ZNF655: variants seen among roughly 807,000 people sequenced by gnomAD.
ZNF655 encodes Vav-interacting Kruppel-like protein 1.
ZNF655 carries 3 observed loss-of-function variants against 6.6 expected under a neutral mutation model. That is an observed-to-expected ratio of 0.46 (90% CI 0.21 to 1.18). The LOEUF (loss-of-function observed/expected upper bound fraction) is 1.18. ZNF655 is among the 50% of genes most tolerant of loss of function. The pLI is 0.24. For missense variants in ZNF655, 526 were observed against 572.3 expected, an observed-to-expected ratio of 0.92 and a Z score of 0.83; for synonymous variants, 178 against 195.0, an observed-to-expected ratio of 0.91 and a Z score of 0.73.
rs1451091763 is a variant in ZNF655, at chr7:99,576,176, GC to G, written c.*2593del. 6.6e-6 allele frequency: 1 copy of G among 152,510 alleles called. No individual in the cohort carries two copies. The highest frequency in any genetic ancestry group is 1.5e-5 in the Non-Finnish European group (1 of 68,024). The allele number at this position is 152,510 out of a possible 1,614,324, so 9.4% of individuals were successfully genotyped here. ...ACTATATTTTACTTCTTTGCCATCA[GC>G]AAGAGTAGGATTTCATCAAGGCAAG... On this transcript the variant is annotated 3_prime_UTR_variant, in exon 3 of 3. Coordinates refer to ENST00000252713, the MANE Select transcript of ZNF655 (RefSeq NM_138494.3).
At chr7:99,567,412 A>T (rs1453474033) in intron 2 of ZNF655, among the ~76,000 whole-genome samples, 1 of 151,634 alleles carries the variant, frequency 6.6e-6, no homozygotes, top group East Asian at 2.0e-4. Flanking sequence ...GCATGCCTGT[A>T]ATCCCAGCTA....
chr7:99,571,749 T>A, intron 2 of ZNF655: 2 of 1,610,148 alleles, frequency 1.2e-6, no homozygotes, highest in South Asian at 1.1e-5. Flanking sequence ...AGGTCTTTGA[T>A]CTGGAAACTA....
Position 99,573,549 on chromosome 7 carries a change from C to T in ZNF655, c.1441C>T (p.Gln481Ter). ...KNSSQRAHLV[Q>*]HQSIHTKENS ...CTCCAGTCAGAGAGCACATCTAGTT[C>T]AACATCAGAGCATTCATACCAAAGA... The change falls in exon 3 of 3, where the codon CAA (glutamine) becomes TAA (stop). Residue 481 changes from glutamine to a stop codon, truncating the protein, a stop_gained. Coordinates refer to ENST00000252713, the MANE Select transcript of ZNF655 (RefSeq NM_138494.3). LOFTEE classifies it high-confidence loss of function. 6.2e-7 allele frequency: 1 copy of T among 1,606,896 alleles called. No homozygotes were observed. The highest frequency in any genetic ancestry group is 8.5e-7 in the Non-Finnish European group (1 of 1,179,810).
chr7:99,573,169 A>T lies in ZNF655; in HGVS notation c.1061A>T (p.Glu354Val). 1 of 1,614,150 alleles carries T rather than the reference A, an allele frequency of 6.2e-7. No homozygotes were observed. Among genetic ancestry groups the T allele is most frequent in the Non-Finnish European group, 8.5e-7 (1 of 1,179,996 alleles). The change falls in exon 3 of 3, where the codon GAA becomes GTA. Residue 354 changes from glutamate to valine, a missense_variant. By Grantham distance (121) the Glu-to-Val change is moderately radical. Coordinates refer to ENST00000252713, the MANE Select transcript of ZNF655 (RefSeq NM_138494.3). ...YLLEHQRVHH[E>V]EKAYEYDEYG... Reference sequence around the variant, plus strand: ...CTTGAACATCAGAGGGTCCATCATGAAGAGAAAGCCTATGAGTATGATGAA... The same window carrying T: ...CTTGAACATCAGAGGGTCCATCATGTAGAGAAAGCCTATGAGTATGATGAA...
rs538233687 is a variant in ZNF655 at position 99,573,661 on chromosome 7, A to C, written c.*77A>C. On this transcript the variant is annotated 3_prime_UTR_variant, in exon 3 of 3. Coordinates refer to ENST00000252713, the MANE Select transcript of ZNF655 (RefSeq NM_138494.3). ...TGAGAGTTCACACCAGGGAGAAATCATGTATGTACTGCATGTGGTAAAGCC... is the reference window on the plus strand; with the variant it reads ...TGAGAGTTCACACCAGGGAGAAATCCTGTATGTACTGCATGTGGTAAAGCC... 3 of 1,498,314 alleles carry C rather than the reference A, an allele frequency of 2.0e-6. No homozygotes were observed. The African/African-American group carries it at 4.2e-5, about 21-fold the overall frequency. 92.8% of individuals were successfully genotyped at this position (1,498,314 alleles called of 1,614,324 possible). A position where few individuals can be genotyped will look rare whatever the true frequency, so the allele number is the denominator to read the frequency against.
At chr7:99,560,992 T>TA (rs1464361054) in intron 2 of ZNF655, 1 of 233,620 alleles carries the variant, frequency 4.3e-6, no homozygotes, top group Non-Finnish European at 8.3e-6. Flanking sequence ...ATTTCTAAGA[T>TA]ATGCTGCTTT....
rs565734738 is a variant in ZNF655, at chr7:99,559,618, A to G, written c.-28+831A>G. ...ACTTGAGCCTCCAAAGACGATTGTA[A>G]ATTTTAAATATTTTGTTTTGTTTAT... On this transcript the variant is annotated intron_variant, in intron 1 of 2. Transcript: ENST00000252713. Among the ~76,000 whole-genome samples the G allele has an allele frequency of 1.8e-4, 27 of 151,942 alleles. No individual in the cohort carries two copies. The South Asian group carries it at 5.0e-3, about 28-fold the overall frequency.
At chr7:99,565,616 C>CA (rs1803562409) in intron 2 of ZNF655, among the ~76,000 whole-genome samples, 1 of 152,164 alleles carries the variant, frequency 6.6e-6, no homozygotes, top group Admixed American at 6.5e-5. Context: ...GAAAAAAGAA[C>CA]ATACTCCATT....
chr7:99,564,255 A>G, intron 2 of ZNF655: 1 of 1,336,698 alleles, frequency 7.5e-7, no homozygotes, highest in Non-Finnish European at 9.5e-7. Context: ...ATTGTGAAAA[A>G]CCAGAAATTC....
intron 2 of ZNF655, among the ~76,000 whole-genome samples, chr7:99,565,969 TACAC>T (rs34118812): frequency 2.0e-5 from 3 of 150,906 alleles, no homozygotes; most frequent in Non-Finnish European, 2.9e-5. Flanking sequence ...TATGTATGTA[TACAC>T]ACACACACAC....
chr7:99,572,302 A>C lies in ZNF655; in HGVS notation c.194A>C (p.Glu65Ala). ...LLIPKQKISE[E>A]VHSYKVRVGR... ...ATTCCTAAGCAGAAAATTTCGGAAGAAGTGCATTCATACAAAGTGAGAGTA... is the reference window on the plus strand; with the variant it reads ...ATTCCTAAGCAGAAAATTTCGGAAGCAGTGCATTCATACAAAGTGAGAGTA... Residue 65 changes from glutamate (E) to alanine (A), a missense_variant, in exon 3 of 3, where the codon GAA becomes GCA. Glu to Ala is a moderately radical substitution (Grantham distance 107). Coordinates refer to ENST00000252713, the MANE Select transcript of ZNF655 (RefSeq NM_138494.3). The C allele has an allele frequency of 6.2e-7, 1 of 1,612,652 alleles. No homozygotes were observed. The highest frequency in any genetic ancestry group is 8.5e-7 in the Non-Finnish European group (1 of 1,179,696).
At chr7:99,560,850 A>T in intron 2 of ZNF655, 155 bp downstream of exon 2, 1 of 817,074 alleles carries the variant, frequency 1.2e-6, no homozygotes, top group Non-Finnish European at 1.8e-6. Context: ...GACTCAGTTC[A>T]GTCCTAGTCT....
intron 2 of ZNF655, chr7:99,563,224 C>T (rs1290777157): frequency 2.2e-6 from 1 of 452,930 alleles, no homozygotes; most frequent in East Asian, 7.1e-5. Context: ...AGCTGTAGTG[C>T]TGCTGGGAAG....
At chr7:99,565,681 T>C (rs563008938) in intron 2 of ZNF655, among the ~76,000 whole-genome samples, 2 of 152,238 alleles carry the variant, frequency 1.3e-5, no homozygotes, top group Non-Finnish European at 2.9e-5. Context: ...AGTTACCTGT[T>C]ACTTAGTGTG....
At chr7:99,562,141 C>G in intron 2 of ZNF655, 1 of 752,948 alleles carries the variant, frequency 1.3e-6, no homozygotes, top group South Asian at 2.2e-5. Flanking sequence ...ACCAACTTCC[C>G]ATCTCCCCAG....
Position 99,573,490 on chromosome 7 carries a change from A to G in ZNF655, c.1382A>G (p.Gln461Arg), listed in dbSNP as rs1488644213. ...LILQQEVLTR[Q>R]KAFDCDVWEK... Reference sequence around the variant, plus strand: ...CTGCAACAAGAAGTCCTCACCAGACAGAAAGCCTTTGATTGTGATGTATGG... The same window carrying G: ...CTGCAACAAGAAGTCCTCACCAGACGGAAAGCCTTTGATTGTGATGTATGG... Residue 461 changes from glutamine (Q) to arginine (R), a missense_variant, in exon 3 of 3, where the codon CAG becomes CGG. Coordinates refer to ENST00000252713, the MANE Select transcript of ZNF655 (RefSeq NM_138494.3). The G allele has an allele frequency of 2.5e-6, 4 of 1,613,212 alleles. No homozygotes were observed. The highest frequency in any genetic ancestry group is 1.1e-5 in the South Asian group (1 of 91,094).
chr7:99,571,353 A>G (rs540544010), intron 2 of ZNF655: 1 of 1,260,256 alleles, frequency 7.9e-7, no homozygotes, highest in Admixed American at 2.7e-5. Context: ...CTTGTAGACC[A>G]GATCTAATCC....
chr7:99,564,847 CT>C, intron 2 of ZNF655: 1 of 329,364 alleles, frequency 3.0e-6, no homozygotes, highest in Non-Finnish European at 4.3e-6. Context: ...TGCATACACA[CT>C]TTTACACATA....
In ZNF655 at chr7:99,561,931, C is replaced by T. The variant is rs963537275; in HGVS notation, c.136+1236C>T. 6 of 1,598,258 alleles carry T rather than the reference C, an allele frequency of 3.8e-6. No homozygotes were observed. The Admixed American group carries it at 5.2e-5, about 14-fold the overall frequency. Reference sequence around the variant, plus strand: ...TGCCTGCTCTTCCCCGTGAGGGAAGCCCAGGAGACCAGGCAGCTGCGCTCT... The same window carrying T: ...TGCCTGCTCTTCCCCGTGAGGGAAGTCCAGGAGACCAGGCAGCTGCGCTCT... On this transcript the variant is annotated intron_variant, in intron 2 of 2. Coordinates refer to ENST00000252713, the MANE Select transcript of ZNF655 (RefSeq NM_138494.3).
Sources: allele counts gnomAD v4.1 joint callset (sites outside exome capture counted in the v4.1 genomes callset), GRCh38; gene constraint gnomAD v4.1.1; transcripts MANE v1.5; gene names NCBI Gene and HGNC (gene_info 2026-07-23, HGNC 2026-07-21).